The following MTOR variants were observed in gnomAD, a reference collection of about 807,000 sequenced individuals.
MTOR encodes serine/threonine-protein kinase mTOR.
In MTOR, 70 loss-of-function variants were observed where a neutral mutation model predicts 319.8. That is an observed-to-expected ratio of 0.22 (90% confidence interval 0.18 to 0.27). MTOR has a LOEUF of 0.27. Among genes scored for constraint, MTOR ranks in the 10% least tolerant of loss-of-function variants. The probability of loss-of-function intolerance (pLI) is 1.00; values close to 1 mark genes in which losing one functional copy is unlikely to be tolerated. For synonymous variants in MTOR, 1,183 were observed against 1,211.4 expected (o/e 0.98, Z 0.49); for missense variants, 1,890 against 3,274.4 (o/e 0.58, Z 10.32).
rs776001509 is a variant in MTOR, at chr1:11,127,816, A to C, written c.6034-10T>G. The C allele has an allele frequency of 6.2e-6, 10 of 1,608,910 alleles. No homozygotes were observed. The highest frequency in any genetic ancestry group is 8.5e-6 in the Non-Finnish European group (10 of 1,177,392). ...TCAGCTCCTCGCTCACCTGAAGCCA[A>C]GAGAAGAAGGAGAGAAGCATCAAGA... On this transcript the variant is annotated splice_polypyrimidine_tract_variant and intron_variant, in intron 43 of 57. Transcript: ENST00000361445. The surrounding 1 kb of genome is among the most constrained non-coding windows in gnomAD (Gnocchi z 5.5).
intron 25 of MTOR, 85 bp downstream of exon 25, chr1:11,209,227 T>G (rs1056526365): frequency 3.3e-6 from 5 of 1,536,942 alleles, no homozygotes; most frequent in Non-Finnish European, 3.5e-6. Flanking sequence ...TGGTTTTCGG[T>G]TGCCCAGTTT....
intron 28 of MTOR, among the ~76,000 whole-genome samples, chr1:11,167,764 C>T (rs1644691660): frequency 1.3e-5 from 2 of 152,170 alleles, no homozygotes; most frequent in Admixed American, 1.3e-4. Flanking sequence ...TGCTCTGTGG[C>T]CCTTCCTTTA....
At chr1:11,250,165 G>C (rs1048794991) in intron 6 of MTOR, among the ~76,000 whole-genome samples, 1 of 139,026 alleles carries the variant, frequency 7.2e-6, no homozygotes, top group African/African-American at 2.7e-5. Flanking sequence ...GCGGCTGGCC[G>C]GGCGGGGGGC....
Position 11,215,038 on chromosome 1 carries a change from C to T in MTOR, c.3117+1110G>A, listed in dbSNP as rs542962075. Reference sequence around the variant, plus strand: ...AATCAACAGTCAAAGGAAGAGCCCCCGTTGCACCTTCTCTATCTGGGATGA... The same window carrying T: ...AATCAACAGTCAAAGGAAGAGCCCCTGTTGCACCTTCTCTATCTGGGATGA... On this transcript the variant is annotated intron_variant, in intron 20 of 57. Transcript: ENST00000361445. Among the ~76,000 whole-genome samples, 61 of 152,334 alleles carry T rather than the reference C, an allele frequency of 4.0e-4. No individual in the cohort carries two copies. In the South Asian group the frequency reaches 1.0e-2, roughly 25 times the overall value.
Position 11,228,809 on chromosome 1 carries a change from T to C in MTOR, c.2889A>G (p.Ser963=), listed in dbSNP as rs1569679303. 6.2e-7 allele frequency: 1 copy of C among 1,613,826 alleles called. No homozygotes were observed. Among genetic ancestry groups the C allele is most frequent in the Non-Finnish European group, 8.5e-7 (1 of 1,179,962 alleles). Residue 963 remains serine, a synonymous_variant, in exon 19 of 58, where the codon TCA becomes TCG. Coordinates refer to ENST00000361445, the MANE Select transcript of MTOR (RefSeq NM_004958.4). ...VALMRIFRDQ[S]LSHHHTMVVQ... ...CAACCATGGTGTGATGATGAGAGAG[T>C]GACTGGTCTCGGAAGATCCGCATCA...
At chr1:11,249,375 GTCTT>G (rs1027296194) in intron 6 of MTOR, among the ~76,000 whole-genome samples, 4 of 146,190 alleles carry the variant, frequency 2.7e-5, no homozygotes, top group African/African-American at 1.1e-4. Context: ...TCACCAGTGA[GTCTT>G]TTTTTTTTTG....
In MTOR at chr1:11,146,766, G is replaced by A. The variant is rs2100519899; in HGVS notation, c.4596C>T (p.Tyr1532=). 3 of 1,614,048 alleles carry A rather than the reference G, an allele frequency of 1.9e-6. No individual in the cohort carries two copies. Among genetic ancestry groups the A allele is most frequent in the Non-Finnish European group, 2.5e-6 (3 of 1,179,934 alleles). Reference sequence around the variant, plus strand: ...GGGTGTCCCGAGGGATCATACAGGTGTATTCTTCCATGCTGTCCCACTGAC... The same window carrying A: ...GGGTGTCCCGAGGGATCATACAGGTATATTCTTCCATGCTGTCCCACTGAC... ...GLGQWDSMEE[Y]TCMIPRDTHD... Residue 1532 remains tyrosine (Y), a synonymous_variant, in exon 32 of 58, where the codon TAC becomes TAT. Transcript: ENST00000361445.
chr1:11,110,567 T>C (rs1299157508), intron 54 of MTOR, among the ~76,000 whole-genome samples: 2 of 152,108 alleles, frequency 1.3e-5, no homozygotes, highest in Non-Finnish European at 2.9e-5. Flanking sequence ...TGGCTTATTT[T>C]GTATTTTTAG....
At position 11,212,674 on chromosome 1, in the gene MTOR, T is replaced by C. The variant is rs1646349422; in HGVS notation, c.3398+122A>G. 2.7e-6 allele frequency: 3 copies of C among 1,095,240 alleles called. No individual in the cohort carries two copies. The Admixed American group carries it at 6.6e-5, about 24-fold the overall frequency. 67.8% of individuals were successfully genotyped at this position (1,095,240 alleles called of 1,614,324 possible). Reference sequence around the variant, plus strand: ...CCATAAACCTGGGATATTTCTAGACTAAAATAATGTGAGTTGAAATAACAA... The same window carrying C: ...CCATAAACCTGGGATATTTCTAGACCAAAATAATGTGAGTTGAAATAACAA... On this transcript the variant is annotated intron_variant, in intron 22 of 57. Coordinates refer to ENST00000361445, the MANE Select transcript of MTOR (RefSeq NM_004958.4). This position sits in a 1 kb window ranked among gnomAD's most constrained non-coding sequence, Gnocchi z 4.1.
At chr1:11,145,660 C>T (rs929043006) in intron 32 of MTOR, among the ~76,000 whole-genome samples, 57 of 152,120 alleles carry the variant, frequency 3.7e-4, no homozygotes, top group Non-Finnish European at 8.8e-5. Flanking sequence ...CCCGCCACCA[C>T]GCCCAGCTAA....
chr1:11,145,106 G>A (rs2100511490), intron 32 of MTOR, 61 bp from the exon 33 acceptor site: 1 of 1,426,442 alleles, frequency 7.0e-7, no homozygotes, highest in Non-Finnish European at 9.8e-7. Flanking sequence ...GTTATTTTAG[G>A]GCACCCCAAC....
chr1:11,195,374 C>T (rs12124598), intron 28 of MTOR: 10,695 of 197,634 alleles, frequency 0.054, 427 homozygotes, highest in South Asian at 0.11. Context: ...ATTTTCTCTA[C>T]GGCTTAGGCT....
At chr1:11,240,588 GAC>G (rs1161465786) in intron 10 of MTOR, 41 bp from the exon 11 acceptor site, 1 of 1,597,450 alleles carries the variant, frequency 6.3e-7, no homozygotes, top group Non-Finnish European at 8.5e-7. Context: ...CTGGGCACAT[GAC>G]ACTCAGTCTG....
At chr1:11,125,897 T>C (rs12354299) in intron 46 of MTOR, among the ~76,000 whole-genome samples, 8,957 of 150,140 alleles carry the variant, frequency 0.06, 373 homozygotes, top group South Asian at 0.12. Context: ...AAAAATTAGC[T>C]AGGTGTGGTG....
At chr1:11,175,805 C>T (rs1189861745) in intron 28 of MTOR, among the ~76,000 whole-genome samples, 2 of 149,494 alleles carry the variant, frequency 1.3e-5, no homozygotes, top group African/African-American at 5.0e-5. Context: ...AGTGCAGTGG[C>T]GCAATCTCGG....
At chr1:11,148,912 ATG>A (rs111307099) in intron 31 of MTOR, among the ~76,000 whole-genome samples, 8,260 of 113,320 alleles carry the variant, frequency 0.073, 349 homozygotes, top group South Asian at 0.19. Context: ...AAAAAAAATT[ATG>A]TGTGTGTGTG....
At chr1:11,140,403 T>C (rs1257032606) in intron 34 of MTOR, among the ~76,000 whole-genome samples, 1 of 152,162 alleles carries the variant, frequency 6.6e-6, no homozygotes, top group Non-Finnish European at 1.5e-5. Flanking sequence ...GCGCAGTTCA[T>C]AATACGGTTC....
chr1:11,155,995 T>C (rs1451154704), intron 30 of MTOR, among the ~76,000 whole-genome samples: 1 of 152,172 alleles, frequency 6.6e-6, no homozygotes, highest in South Asian at 2.1e-4. Context: ...TTATTTATTT[T>C]TATTTATTTT....
chr1:11,241,545 A>G lies in MTOR; in HGVS notation c.1541+8T>C. ...GATACAGGGCAAGCTCAGGTTTCTG[A>G]CACCCACCTTAGTCCCACTGCCAGC... is the stretch of plus-strand genomic sequence containing the variant. On this transcript the variant is annotated splice_region_variant and intron_variant, in intron 10 of 57. Transcript: ENST00000361445. The G allele has an allele frequency of 6.2e-7, 1 of 1,605,684 alleles. No individual in the cohort carries two copies. Among genetic ancestry groups the G allele is most frequent in the South Asian group, 1.1e-5 (1 of 90,534 alleles).
Sources: allele counts gnomAD v4.1 joint callset (sites outside exome capture counted in the v4.1 genomes callset), GRCh38; gene constraint gnomAD v4.1.1; non-coding constraint Gnocchi (gnomAD v3.1); transcripts MANE v1.5; gene names NCBI Gene and HGNC (gene_info 2026-07-23, HGNC 2026-07-21).